Variants in PABPC4L observed in about 807,000 individuals in gnomAD.
The protein encoded by PABPC4L is polyadenylate-binding protein 4-like.
For missense variants in PABPC4L, 452 were observed against 451.4 expected (o/e 1.00, Z -0.01); for synonymous variants, 169 against 164.1 (o/e 1.03, Z -0.23).
the PABPC4L span, among the ~76,000 whole-genome samples, chr4:134,017,253 A>G: frequency 6.6e-6 from 1 of 152,082 alleles, no homozygotes; most frequent in African/African-American, 2.4e-5. Flanking sequence ...GGACTACACA[A>G]TACTTTTATC....
the PABPC4L span, among the ~76,000 whole-genome samples, chr4:133,952,020 G>A: frequency 8.5e-4 from 129 of 152,164 alleles, 1 homozygote; most frequent in African/African-American, 3.0e-3. Context: ...TCTACAAATT[G>A]CAATTTGTTT....
At chr4:134,173,070 T>G in the PABPC4L span, among the ~76,000 whole-genome samples, 1 of 145,086 alleles carries the variant, frequency 6.9e-6, no homozygotes, top group Non-Finnish European at 1.5e-5. Flanking sequence ...CAAATGCTGA[T>G]GAGGATGTGG....
chr4:134,040,458 C>A, the PABPC4L span, among the ~76,000 whole-genome samples: 1 of 152,000 alleles, frequency 6.6e-6, no homozygotes, highest in African/African-American at 2.4e-5. Context: ...ACAAACCTGA[C>A]AAAAACAAGC....
At chr4:134,011,443 G>A in the PABPC4L span, among the ~76,000 whole-genome samples, 1 of 151,834 alleles carries the variant, frequency 6.6e-6, no homozygotes, top group Non-Finnish European at 1.5e-5. Flanking sequence ...CAATTGCTTT[G>A]GAACTTAATG....
the PABPC4L span, among the ~76,000 whole-genome samples, chr4:134,184,664 C>T: frequency 6.6e-6 from 1 of 151,900 alleles, no homozygotes; most frequent in African/African-American, 2.4e-5. Flanking sequence ...CTGAAGGGCA[C>T]CTTGGTGTGG....
the PABPC4L span, among the ~76,000 whole-genome samples, chr4:134,004,509 T>G: frequency 6.6e-6 from 1 of 151,984 alleles, no homozygotes. Flanking sequence ...AGAGATCCTA[T>G]GTACACTGTC....
At chr4:133,983,127 G>T in the PABPC4L span, among the ~76,000 whole-genome samples, 2,190 of 151,974 alleles carry the variant, frequency 0.014, 52 homozygotes, top group African/African-American at 0.048. Context: ...TGTACTCAAA[G>T]AAATTAGTTG....
rs754578869 is a variant in PABPC4L at position 134,201,107 on chromosome 4, T to C, written c.-88A>G. Reference sequence around the variant, plus strand: ...ATACTAGGTCACAGCTTTGGCCCGGTTCAAGTGTGGAGGCCTCGGGATCAC... The same window carrying C: ...ATACTAGGTCACAGCTTTGGCCCGGCTCAAGTGTGGAGGCCTCGGGATCAC... On this transcript the variant is annotated 5_prime_UTR_variant, in exon 2 of 2. Coordinates refer to ENST00000421491, the MANE Select transcript of PABPC4L (RefSeq NM_001114734.2). 4 of 1,550,564 alleles carry C rather than the reference T, an allele frequency of 2.6e-6. No individual in the cohort carries two copies. Among genetic ancestry groups the C allele is most frequent in the Non-Finnish European group, 3.5e-6 (4 of 1,146,876 alleles).
the PABPC4L span, among the ~76,000 whole-genome samples, chr4:133,967,883 A>G: frequency 6.6e-6 from 1 of 152,186 alleles, no homozygotes; most frequent in African/African-American, 2.4e-5. Flanking sequence ...CTTAAAAGTT[A>G]AAGGTTTAGT....
At chr4:134,000,483 T>A in the PABPC4L span, among the ~76,000 whole-genome samples, 1 of 152,164 alleles carries the variant, frequency 6.6e-6, no homozygotes, top group East Asian at 1.9e-4. Context: ...TATAAAAAGT[T>A]AGACTTAATC....
the PABPC4L span, among the ~76,000 whole-genome samples, chr4:134,069,627 A>C: frequency 6.6e-6 from 1 of 152,296 alleles, no homozygotes; most frequent in Non-Finnish European, 1.5e-5. Flanking sequence ...TACTTGTGAT[A>C]GTATTCTGAA....
At chr4:134,165,851 G>A in the PABPC4L span, among the ~76,000 whole-genome samples, 4 of 152,058 alleles carry the variant, frequency 2.6e-5, no homozygotes, top group South Asian at 6.2e-4. Flanking sequence ...TTATCATAGC[G>A]CCATTCACAA....
At chr4:134,085,743 A>G in the PABPC4L span, among the ~76,000 whole-genome samples, 1 of 152,216 alleles carries the variant, frequency 6.6e-6, no homozygotes, top group South Asian at 2.1e-4. Flanking sequence ...GTTGTTTCAT[A>G]TGTTTATTTT....
the PABPC4L span, among the ~76,000 whole-genome samples, chr4:134,077,883 A>G: frequency 6.6e-6 from 1 of 152,180 alleles, no homozygotes; most frequent in Non-Finnish European, 1.5e-5. Flanking sequence ...AATCAATTAA[A>G]TATTTATCTT....
At chr4:134,098,215 T>C in the PABPC4L span, among the ~76,000 whole-genome samples, 3 of 151,770 alleles carry the variant, frequency 2.0e-5, no homozygotes, top group Admixed American at 6.6e-5. Context: ...TCAATATGCA[T>C]GGACATAGCG....
At chr4:134,098,373 T>C in the PABPC4L span, among the ~76,000 whole-genome samples, 1 of 151,820 alleles carries the variant, frequency 6.6e-6, no homozygotes, top group African/African-American at 2.4e-5. Flanking sequence ...TCATACTCTA[T>C]ACTATATACC....
chr4:134,083,072 A>G, the PABPC4L span, among the ~76,000 whole-genome samples: 1 of 152,128 alleles, frequency 6.6e-6, no homozygotes, highest in Non-Finnish European at 1.5e-5. Flanking sequence ...TCAATTTCCA[A>G]CTCTTTCTAA....
At chr4:134,185,786 C>T in the PABPC4L span, among the ~76,000 whole-genome samples, 1 of 152,196 alleles carries the variant, frequency 6.6e-6, no homozygotes, top group South Asian at 2.1e-4. Flanking sequence ...TTTAGAAAAC[C>T]CCATCGTCTC....
rs1046584081 is a variant in PABPC4L, at chr4:134,199,978, C to T, written c.1042G>A (p.Ala348Thr). Residue 348 changes from alanine (A) to threonine (T), a missense_variant, in exon 2 of 2, where the codon GCA becomes ACA. Physicochemically the swap from Ala to Thr is moderately conservative, Grantham distance 58. Transcript: ENST00000421491. ...CFSSPEDATK[A>T]MTEMNGRILG... ...ATGCGGCCATTCATCTCAGTCATTG[C>T]TTTAGTAGCATCCTCAGGAGAGGAG... 6.4e-7 allele frequency: 1 copy of T among 1,551,506 alleles called. No homozygotes were observed.
Sources: gnomAD v4.1 joint callset for allele counts (sites outside exome capture counted in the v4.1 genomes callset) on GRCh38, gnomAD v4.1.1 for gene constraint, MANE v1.5 for transcripts, NCBI Gene and HGNC (gene_info 2026-07-23, HGNC 2026-07-21) for gene names.